The following P2RY12 variants were observed in gnomAD, a reference collection of about 807,000 sequenced individuals.
The protein encoded by P2RY12 is P2Y purinoceptor 12.
P2RY12 carries 3 observed loss-of-function variants against 4.5 expected under a neutral mutation model. The observed-to-expected ratio is 0.67, with a 90% CI of 0.31 to 1.74. The LOEUF is 1.74. P2RY12 is among the 40% of genes most tolerant of loss of function. The probability of loss-of-function intolerance (pLI) is 0.09; values close to 1 mark genes in which losing one functional copy is unlikely to be tolerated. For synonymous variants in P2RY12, 148 were observed against 154.1 expected (o/e 0.96, Z 0.29); for missense variants, 356 against 407.8 (o/e 0.87, Z 1.09).
At chr3:151,355,800 A>G in intron 1 of P2RY12, 4 of 1,074,594 alleles carry the variant, frequency 3.7e-6, no homozygotes, top group Non-Finnish European at 5.2e-6. Context: ...AGAATCATGT[A>G]TAGATTCAAC....
chr3:151,346,875 C>G (rs982539367), intron 1 of P2RY12, among the ~76,000 whole-genome samples: 3 of 151,968 alleles, frequency 2.0e-5, no homozygotes, highest in Non-Finnish European at 4.4e-5. Context: ...AAATTCCTTG[C>G]AATTACATGT....
chr3:151,372,501 T>A, intron 1 of P2RY12: 1 of 1,150,750 alleles, frequency 8.7e-7, no homozygotes, highest in Non-Finnish European at 1.3e-6. Flanking sequence ...TATCCTCATT[T>A]GCTCCTCAAT....
chr3:151,343,245 A>C (rs1314416423), intron 1 of P2RY12, among the ~76,000 whole-genome samples: 1 of 152,224 alleles, frequency 6.6e-6, no homozygotes, highest in Non-Finnish European at 1.5e-5. Context: ...AGGCTTATTC[A>C]AGAAAATGAT....
At chr3:151,342,200 TAA>T (rs1377039996) in intron 1 of P2RY12, among the ~76,000 whole-genome samples, 1 of 152,180 alleles carries the variant, frequency 6.6e-6, no homozygotes, top group East Asian at 1.9e-4. Context: ...ACCAACAGTG[TAA>T]AAGTGTTCCT....
intron 1 of P2RY12, among the ~76,000 whole-genome samples, chr3:151,346,345 G>C (rs903425056): frequency 3.9e-5 from 6 of 152,120 alleles, no homozygotes; most frequent in African/African-American, 1.4e-4. Flanking sequence ...TGAAACAAGA[G>C]TCTTTTGATG....
At chr3:151,360,264 A>T (rs577000291) in intron 1 of P2RY12, among the ~76,000 whole-genome samples, 1 of 152,104 alleles carries the variant, frequency 6.6e-6, no homozygotes, top group African/African-American at 2.4e-5. Flanking sequence ...GTCATCAGTG[A>T]CATTTCTGAA....
chr3:151,375,812 GTT>G (rs1560097514), intron 1 of P2RY12, among the ~76,000 whole-genome samples: 1 of 151,856 alleles, frequency 6.6e-6, no homozygotes, highest in African/African-American at 2.4e-5. Context: ...ATTAAAAAAT[GTT>G]TTTAAGCAAG....
intron 1 of P2RY12, among the ~76,000 whole-genome samples, chr3:151,379,620 A>G (rs949494826): frequency 6.6e-6 from 1 of 152,114 alleles, no homozygotes; most frequent in African/African-American, 2.4e-5. Context: ...CTCTACTAAC[A>G]CCCTGCTTTT....
rs1272896191 is a variant in P2RY12, at chr3:151,378,154, G to C, written c.-180+6538C>G. ...GGGTTCTTCTTCCAAAAAGGAAAGG[G>C]ACAGACAGAAACAGAAAAGGTGTGG... On this transcript the variant is annotated intron_variant, in intron 1 of 2. Transcript: ENST00000302632. 6.2e-7 allele frequency: 1 copy of C among 1,609,480 alleles called. No individual in the cohort carries two copies. Among genetic ancestry groups the C allele is most frequent in the Non-Finnish European group, 8.5e-7 (1 of 1,177,464 alleles).
At chr3:151,377,216 T>C in intron 1 of P2RY12, 1 of 1,545,038 alleles carries the variant, frequency 6.5e-7, no homozygotes, top group Non-Finnish European at 8.8e-7. Context: ...TGTCATGAAT[T>C]TTTCACAAGT....
chr3:151,352,226 G>A (rs1468102105), intron 1 of P2RY12, among the ~76,000 whole-genome samples: 1 of 152,186 alleles, frequency 6.6e-6, no homozygotes, highest in Non-Finnish European at 1.5e-5. Context: ...GTGAGATCAA[G>A]TGTGGAATTT....
intron 1 of P2RY12, among the ~76,000 whole-genome samples, chr3:151,361,193 A>G (rs1343095787): frequency 2.0e-5 from 3 of 152,252 alleles, no homozygotes; most frequent in East Asian, 1.9e-4. Context: ...CTATAGCCCC[A>G]TTCACTTTTC....
At chr3:151,375,769 T>C (rs1390636265) in intron 1 of P2RY12, among the ~76,000 whole-genome samples, 1 of 152,136 alleles carries the variant, frequency 6.6e-6, no homozygotes, top group African/African-American at 2.4e-5. Context: ...AAAAACATAC[T>C]AATATTCTCT....
At chr3:151,377,210 A>G (rs776621584) in intron 1 of P2RY12, 5 of 1,567,364 alleles carry the variant, frequency 3.2e-6, no homozygotes, top group South Asian at 2.3e-5. Flanking sequence ...TTGAACTGTC[A>G]TGAATTTTTC....
At chr3:151,384,191 A>C in intron 1 of P2RY12, 1 of 1,609,006 alleles carries the variant, frequency 6.2e-7, no homozygotes. Context: ...ACAAGCGTGC[A>C]TACATGAATT....
intron 2 of P2RY12, among the ~76,000 whole-genome samples, chr3:151,339,647 A>G (rs546399448): frequency 6.6e-6 from 1 of 152,126 alleles, no homozygotes; most frequent in Non-Finnish European, 1.5e-5. Flanking sequence ...AACAGTAAAA[A>G]AAAAAATAAG....
chr3:151,369,635 A>G, intron 1 of P2RY12: 1 of 858,162 alleles, frequency 1.2e-6, no homozygotes, highest in South Asian at 1.9e-5. Flanking sequence ...ATCTAGTAGT[A>G]TTATTGGAAA....
At chr3:151,374,057 C>A (rs536960688) in intron 1 of P2RY12, among the ~76,000 whole-genome samples, 220 of 152,256 alleles carry the variant, frequency 1.4e-3, no homozygotes, top group African/African-American at 4.8e-3. Context: ...CAAAGTTGTT[C>A]TGTGTTTTCC....
Position 151,368,724 on chromosome 3 carries a change from C to T in P2RY12, c.-180+15968G>A, listed in dbSNP as rs1324055951. Among the ~76,000 whole-genome samples the T allele has an allele frequency of 1.1e-3, 75 of 69,068 alleles. 1 individual carries two copies. Among genetic ancestry groups the T allele is most frequent in the African/African-American group, 3.5e-3 (71 of 20,176 alleles). The allele number at this position is 69,068 out of a possible 152,430, so 45.3% of individuals were successfully genotyped here. A position where few individuals can be genotyped will look rare whatever the true frequency, so the allele number is the denominator to read the frequency against. On this transcript the variant is annotated intron_variant, in intron 1 of 2. Transcript: ENST00000302632. The stretch of plus-strand genomic sequence containing the variant: ...CATTTCATTTCATTTCATTTCATTT[C>T]ATTTCATTTCATTTCATTTCATTTC...
Sources: gnomAD v4.1 joint callset for allele counts (sites outside exome capture counted in the v4.1 genomes callset) on GRCh38, gnomAD v4.1.1 for gene constraint, MANE v1.5 for transcripts, NCBI Gene and HGNC (gene_info 2026-07-23, HGNC 2026-07-21) for gene names.